WIPI1: variants seen among roughly 807,000 people sequenced by gnomAD.
WIPI1 encodes WD repeat domain, phosphoinositide interacting 1, also known as WD repeat domain phosphoinositide-interacting protein 1.
WIPI1 carries 45 observed loss-of-function variants against 55.3 expected under a neutral mutation model. The ratio of observed to expected loss-of-function variants is 0.81; its 90% CI spans 0.64 to 1.04. The LOEUF (loss-of-function observed/expected upper bound fraction) is 1.04, where lower values mean the gene tolerates loss of function less well. WIPI1 is among the 50% of genes least tolerant of loss of function. The probability of loss-of-function intolerance (pLI) is 0.00; values close to 1 mark genes in which losing one functional copy is unlikely to be tolerated. For synonymous variants in WIPI1, 195 were observed against 217.6 expected (o/e 0.90, Z 0.92); for missense variants, 445 against 559.0 (o/e 0.80, Z 2.06).
chr17:68,429,889 T>G (rs1236726968), intron 9 of WIPI1, 107 bp downstream of exon 9: 19 of 1,540,098 alleles, frequency 1.2e-5, no homozygotes, highest in Non-Finnish European at 1.6e-5. Context: ...GTGCCCAGCC[T>G]GGGGCAAGTT....
At chr17:68,447,061 G>T (rs1410930645) in intron 3 of WIPI1, among the ~76,000 whole-genome samples, 3 of 152,140 alleles carry the variant, frequency 2.0e-5, no homozygotes, top group South Asian at 2.1e-4. Context: ...TCAGCTCCTT[G>T]TCTGTTGCTT....
intron 2 of WIPI1, among the ~76,000 whole-genome samples, chr17:68,451,744 T>C (rs1180324834): frequency 6.6e-6 from 1 of 152,178 alleles, no homozygotes; most frequent in Non-Finnish European, 1.5e-5. Flanking sequence ...CTTGCTGTGC[T>C]CCCTGGATCT....
At chr17:68,455,361 C>CAAA (rs35004898) in intron 1 of WIPI1, among the ~76,000 whole-genome samples, 6 of 102,600 alleles carry the variant, frequency 5.8e-5, no homozygotes, top group South Asian at 3.4e-4. Flanking sequence ...AAGACTGTCT[C>CAAA]AAAAAAAAAA....
chr17:68,450,694 A>C lies in WIPI1; in HGVS notation c.333+34T>G, dbSNP rs763734444. The C allele has an allele frequency of 1.0e-5, 16 of 1,574,266 alleles. No individual in the cohort carries two copies. In the South Asian group the frequency reaches 1.9e-4, roughly 19 times the overall value. Reference sequence around the variant, plus strand: ...CTTTTTGTTTGGCTCCCGTTAGCAGAAGCTTTGAAACCCTGAGGGATTTCC... The same window carrying C: ...CTTTTTGTTTGGCTCCCGTTAGCAGCAGCTTTGAAACCCTGAGGGATTTCC... On this transcript the variant is annotated intron_variant, in intron 3 of 12. Coordinates refer to ENST00000262139, the MANE Select transcript of WIPI1 (RefSeq NM_017983.7).
chr17:68,436,474 A>G lies in WIPI1; in HGVS notation c.436T>C (p.Cys146Arg). 1 of 1,613,878 alleles carries G rather than the reference A, an allele frequency of 6.2e-7. No homozygotes were observed. Among genetic ancestry groups the G allele is most frequent in the Non-Finnish European group, 8.5e-7 (1 of 1,179,778 alleles). ...LDIPANPTGL[C>R]ALSINHSNSY... ...TTGGAATGGTTGATAGAGAGAGCAC[A>G]TAGACCTGGCAAAGAAGAAACAGAA... The change falls in exon 5 of 13, where the codon TGT (cysteine) becomes CGT (arginine). Residue 146 changes from cysteine (C) to arginine (R), a missense_variant. Cys to Arg is a radical substitution (Grantham distance 180). Coordinates refer to ENST00000262139, the MANE Select transcript of WIPI1 (RefSeq NM_017983.7).
intron 3 of WIPI1, chr17:68,448,165 C>A (rs1018423789): frequency 6.6e-6 from 1 of 152,136 alleles, no homozygotes; most frequent in Non-Finnish European, 1.5e-5. Context: ...TTTATCATTT[C>A]CCCAGAGTGG....
At chr17:68,425,776 G>A (rs2083128601) in intron 12 of WIPI1, 1 of 332,226 alleles carries the variant, frequency 3.0e-6, no homozygotes, top group African/African-American at 2.1e-5. Flanking sequence ...CAAAGTCAGT[G>A]CTACAGAAGC....
chr17:68,433,984 T>C (rs2083661346), intron 7 of WIPI1, among the ~76,000 whole-genome samples: 1 of 151,952 alleles, frequency 6.6e-6, no homozygotes, highest in African/African-American at 2.4e-5. Flanking sequence ...TGTTTCACCA[T>C]GTTGGCCAGG....
chr17:68,425,739 A>G (rs2083126010), intron 12 of WIPI1, among the ~76,000 whole-genome samples: 1 of 152,172 alleles, frequency 6.6e-6, no homozygotes, highest in Non-Finnish European at 1.5e-5. Context: ...GTTTTAGACA[A>G]GTCACGTGTT....
intron 4 of WIPI1, chr17:68,441,169 A>G (rs968219595): frequency 1.6e-4 from 24 of 152,234 alleles, no homozygotes; most frequent in African/African-American, 5.5e-4. Context: ...TTGACTGCTC[A>G]GAGCAGACTG....
chr17:68,426,319 G>A (rs2083192321), intron 11 of WIPI1, 144 bp from the exon 12 acceptor site: 3 of 682,060 alleles, frequency 4.4e-6, no homozygotes, highest in Admixed American at 4.8e-5. Flanking sequence ...CTGTGCCTAG[G>A]ACAAGTCATA....
At chr17:68,422,015 C>G (rs1600225655) in intron 12 of WIPI1, 195 bp from the exon 13 acceptor site, 2 of 614,260 alleles carry the variant, frequency 3.3e-6, no homozygotes, top group East Asian at 5.5e-5. Flanking sequence ...TGACACAGTT[C>G]TAGAAAATAC....
chr17:68,429,209 A>C (rs531751563), intron 9 of WIPI1, among the ~76,000 whole-genome samples: 1 of 152,316 alleles, frequency 6.6e-6, no homozygotes, highest in East Asian at 1.9e-4. Context: ...GCTAGTGAAC[A>C]CATTAGCTCC....
intron 8 of WIPI1, among the ~76,000 whole-genome samples, chr17:68,431,552 T>A (rs896236914): frequency 3.3e-5 from 5 of 152,102 alleles, no homozygotes; most frequent in African/African-American, 4.8e-5. Flanking sequence ...GGAGGAGGTG[T>A]CATGTTCAAA....
At chr17:68,442,591 TC>T (rs1320855480) in intron 4 of WIPI1, among the ~76,000 whole-genome samples, 1 of 151,782 alleles carries the variant, frequency 6.6e-6, no homozygotes, top group African/African-American at 2.4e-5. Flanking sequence ...TACTGTCCAC[TC>T]CCCTCTCTTC....
chr17:68,423,791 C>G lies in WIPI1; in HGVS notation c.1294-1971G>C, dbSNP rs745356749. ...AGGTACCTATTATTTTATACAGGTT[C>G]TTTGGCAAGGAACTACCTCCTAGAT... On this transcript the variant is annotated intron_variant, in intron 12 of 12. Coordinates refer to ENST00000262139, the MANE Select transcript of WIPI1 (RefSeq NM_017983.7). This position sits in a 1 kb window ranked among gnomAD's most constrained non-coding sequence, Gnocchi z 4.4. Among the ~76,000 whole-genome samples, 1 of 152,156 alleles carries G rather than the reference C, an allele frequency of 6.6e-6. No individual in the cohort carries two copies. The highest frequency in any genetic ancestry group is 1.5e-5 in the Non-Finnish European group (1 of 68,014).
chr17:68,435,164 G>A (rs1299573816), intron 6 of WIPI1, among the ~76,000 whole-genome samples: 8 of 149,158 alleles, frequency 5.4e-5, no homozygotes, highest in Middle Eastern at 3.5e-3. Flanking sequence ...CCGAGATTGC[G>A]CCATTGCACT....
Position 68,421,598 on chromosome 17 carries a change from G to A in WIPI1, c.*175C>T. 2 of 791,256 alleles carry A rather than the reference G, an allele frequency of 2.5e-6. No homozygotes were observed. The highest frequency in any genetic ancestry group is 2.2e-5 in the Admixed American group (1 of 45,574). 49.0% of individuals were successfully genotyped at this position (791,256 alleles called of 1,614,324 possible). A position where few individuals can be genotyped will look rare whatever the true frequency, so the allele number is the denominator to read the frequency against. On this transcript the variant is annotated 3_prime_UTR_variant, in exon 13 of 13. Coordinates refer to ENST00000262139, the MANE Select transcript of WIPI1 (RefSeq NM_017983.7). ...GTCTCCCGCGCCCATTGGCAACCAGGGTCGTGGGAAGCTTGGTGAGGAGTT... is the reference window on the plus strand; with the variant it reads ...GTCTCCCGCGCCCATTGGCAACCAGAGTCGTGGGAAGCTTGGTGAGGAGTT...
At chr17:68,426,633 A>G (rs904897509) in intron 11 of WIPI1, among the ~76,000 whole-genome samples, 1 of 152,204 alleles carries the variant, frequency 6.6e-6, no homozygotes, top group Non-Finnish European at 1.5e-5. Flanking sequence ...CTCTGGTTCA[A>G]GCAATTCTCC....
Sources: allele counts gnomAD v4.1 joint callset (sites outside exome capture counted in the v4.1 genomes callset), GRCh38; gene constraint gnomAD v4.1.1; non-coding constraint Gnocchi (gnomAD v3.1); transcripts MANE v1.5; gene names NCBI Gene and HGNC (gene_info 2026-07-23, HGNC 2026-07-21).